Variants in USH2A observed in about 807,000 individuals in gnomAD.
USH2A encodes Usher syndrome 2A (autosomal recessive, mild).
USH2A carries 443 observed loss-of-function variants against 538.9 expected under a neutral mutation model. The observed-to-expected ratio is 0.82, with a 90% CI of 0.76 to 0.89. The LOEUF is 0.89. USH2A is among the 40% of genes least tolerant of loss of function. The pLI, the probability that USH2A is intolerant of heterozygous loss-of-function variation, is 0.00. For synonymous variants in USH2A, 2,413 were observed against 2,273.5 expected, an observed-to-expected ratio of 1.06 and a Z score of -1.75; for missense variants, 6,633 against 6,324.8, an observed-to-expected ratio of 1.05 and a Z score of -1.65.
At chr1:216,008,955 G>T (rs1316323201) in intron 32 of USH2A, among the ~76,000 whole-genome samples, 3 of 151,882 alleles carry the variant, frequency 2.0e-5, no homozygotes, top group African/African-American at 7.3e-5. Context: ...GCCTTTCTGG[G>T]GGGCAAGAAA....
At chr1:216,216,976 T>C (rs2035354202) in intron 15 of USH2A, among the ~76,000 whole-genome samples, 1 of 151,974 alleles carries the variant, frequency 6.6e-6, no homozygotes, top group Admixed American at 6.6e-5. Context: ...AAACAAGAAT[T>C]CACCCTTTAT....
At chr1:216,258,431 C>CTTT (rs2102562303) in intron 11 of USH2A, among the ~76,000 whole-genome samples, 1 of 152,172 alleles carries the variant, frequency 6.6e-6, no homozygotes, top group South Asian at 2.1e-4. Flanking sequence ...CTTTCTGCAG[C>CTTT]CTCATACATG....
rs552304154 is a variant in USH2A, at chr1:216,095,680, G to A, written c.4758+1403C>T. Among the ~76,000 whole-genome samples the A allele has an allele frequency of 2.0e-5, 3 of 152,236 alleles. No individual in the cohort carries two copies. The East Asian group carries it at 5.8e-4, about 29-fold the overall frequency. On this transcript the variant is annotated intron_variant, in intron 22 of 71. Coordinates refer to ENST00000307340, the MANE Select transcript of USH2A (RefSeq NM_206933.4). ...ATGAGGAGGGAGCCTTTCTGTCCCT[G>A]GTCCTTCGAGTGGCCACTGTGCGGC... is the stretch of plus-strand genomic sequence containing the variant.
chr1:215,995,795 G>A (rs968903304), intron 34 of USH2A, among the ~76,000 whole-genome samples: 4 of 152,136 alleles, frequency 2.6e-5, no homozygotes, highest in African/African-American at 9.7e-5. Flanking sequence ...TTGAAATGAT[G>A]AGTAACATCT....
At chr1:215,812,882 G>A (rs1437532644) in intron 49 of USH2A, among the ~76,000 whole-genome samples, 1 of 152,130 alleles carries the variant, frequency 6.6e-6, no homozygotes, top group Non-Finnish European at 1.5e-5. Context: ...ACACAAAAGA[G>A]CATAGATTTA....
intron 61 of USH2A, among the ~76,000 whole-genome samples, chr1:215,689,160 A>T (rs1340563366): frequency 2.0e-5 from 3 of 152,118 alleles, no homozygotes; most frequent in Non-Finnish European, 4.4e-5. Flanking sequence ...GGGAAGGAAC[A>T]ACTTTGGTCT....
rs560434576 is a variant in USH2A at position 216,081,908 on chromosome 1, AT to A, written c.5298+1547del. Reference sequence around the variant, plus strand: ...CACTGCACCCAGCCTTAATTTTTTAATTTTTTTTTTTTAGTAAGAGTTACTT... The same window carrying A: ...CACTGCACCCAGCCTTAATTTTTTAATTTTTTTTTTTAGTAAGAGTTACTT... On this transcript the variant is annotated intron_variant, in intron 26 of 71. Transcript: ENST00000307340. 5.4e-4 allele frequency among the ~76,000 whole-genome samples: 79 copies of A among 147,128 alleles called. 1 individual carries two copies. Among genetic ancestry groups the A allele is most frequent in the South Asian group, 1.7e-3 (8 of 4,594 alleles).
chr1:215,750,902 G>A (rs889305994), intron 58 of USH2A, among the ~76,000 whole-genome samples: 1 of 152,050 alleles, frequency 6.6e-6, no homozygotes, highest in Non-Finnish European at 1.5e-5. Context: ...TTAGCAAAAT[G>A]CCTAGCATAT....
chr1:215,949,744 T>A (rs139103656), intron 37 of USH2A, among the ~76,000 whole-genome samples: 1 of 152,232 alleles, frequency 6.6e-6, no homozygotes, highest in African/African-American at 2.4e-5. Flanking sequence ...ATCAAAAATC[T>A]GAAGTACTAC....
chr1:216,338,847 T>C (rs772365586), intron 4 of USH2A, among the ~76,000 whole-genome samples: 2 of 151,650 alleles, frequency 1.3e-5, no homozygotes, highest in Non-Finnish European at 3.0e-5. Flanking sequence ...TTTATACTCA[T>C]GATTTTGGCA....
chr1:215,763,840 G>A (rs1184661474), intron 56 of USH2A, among the ~76,000 whole-genome samples: 1 of 152,026 alleles, frequency 6.6e-6, no homozygotes, highest in Non-Finnish European at 1.5e-5. Context: ...AGTGTTAAAA[G>A]GGACGGGAAA....
At chr1:215,703,206 T>C (rs564307834) in intron 61 of USH2A, among the ~76,000 whole-genome samples, 13 of 152,316 alleles carry the variant, frequency 8.5e-5, no homozygotes, top group African/African-American at 3.1e-4. Context: ...GAGGGGCACC[T>C]GCCGGATGCC....
chr1:215,818,542 G>A (rs1262534431), intron 47 of USH2A, among the ~76,000 whole-genome samples: 4 of 151,674 alleles, frequency 2.6e-5, no homozygotes, highest in Admixed American at 6.6e-5. Flanking sequence ...AAAAAATTGA[G>A]TGATAATTTC....
intron 3 of USH2A, among the ~76,000 whole-genome samples, chr1:216,403,470 A>G (rs999215729): frequency 2.0e-5 from 3 of 152,200 alleles, no homozygotes; most frequent in African/African-American, 7.2e-5. Flanking sequence ...CATATTGGAA[A>G]GATTAAAAAA....
At chr1:216,261,896 G>A (rs1163741419) in intron 11 of USH2A, among the ~76,000 whole-genome samples, 1 of 152,112 alleles carries the variant, frequency 6.6e-6, no homozygotes, top group African/African-American at 2.4e-5. Context: ...TTCCAGTAAA[G>A]TCATGTCACT....
chr1:215,950,029 T>C (rs537935349), intron 37 of USH2A, among the ~76,000 whole-genome samples: 18 of 152,274 alleles, frequency 1.2e-4, no homozygotes, highest in Non-Finnish European at 2.4e-4. Flanking sequence ...TGCATATAAC[T>C]ACAGACAGAT....
At chr1:216,092,864 T>G (rs1228335390) in intron 22 of USH2A, among the ~76,000 whole-genome samples, 6 of 152,176 alleles carry the variant, frequency 3.9e-5, no homozygotes, top group Non-Finnish European at 8.8e-5. Flanking sequence ...TCCTGAAAAC[T>G]CAAGCAGTTT....
chr1:216,185,945 TA>T (rs2034590567), intron 20 of USH2A, among the ~76,000 whole-genome samples: 2 of 152,008 alleles, frequency 1.3e-5, no homozygotes, highest in Admixed American at 6.6e-5. Flanking sequence ...TGAACAACCC[TA>T]AAAATGATGT....
At chr1:216,039,144 T>G (rs2030149450) in intron 32 of USH2A, among the ~76,000 whole-genome samples, 1 of 152,034 alleles carries the variant, frequency 6.6e-6, no homozygotes, top group Admixed American at 6.6e-5. Context: ...TTATTTCATT[T>G]CATTTGACCC....
Sources: allele counts gnomAD v4.1 joint callset (sites outside exome capture counted in the v4.1 genomes callset), GRCh38; gene constraint gnomAD v4.1.1; transcripts MANE v1.5; gene names NCBI Gene and HGNC (gene_info 2026-07-23, HGNC 2026-07-21).